GRIP1: variants seen among roughly 807,000 people sequenced by gnomAD.
GRIP1 encodes glutamate receptor interacting protein 1, also known as glutamate receptor-interacting protein 1.
In GRIP1, 45 loss-of-function variants were observed where a neutral mutation model predicts 129.9. That is an observed-to-expected ratio of 0.35 (90% CI 0.27 to 0.44). GRIP1 has a LOEUF of 0.44. Among genes scored for constraint, GRIP1 ranks in the 20% least tolerant of loss-of-function variants. The pLI is 1.00. For missense variants in GRIP1, 1,196 were observed against 1,396.8 expected, an observed-to-expected ratio of 0.86 and a Z score of 2.29; for synonymous variants, 530 against 520.8, an observed-to-expected ratio of 1.02 and a Z score of -0.24.
At chr12:66,632,530 C>A (rs1159331762) in intron 1 of GRIP1, among the ~76,000 whole-genome samples, 1 of 152,128 alleles carries the variant, frequency 6.6e-6, no homozygotes, top group Non-Finnish European at 1.5e-5. Context: ...AGGAAGGTTT[C>A]TTCCCTTTTT....
chr12:66,520,563 A>C (rs1399480544), intron 5 of GRIP1, among the ~76,000 whole-genome samples: 1 of 152,198 alleles, frequency 6.6e-6, no homozygotes, highest in Non-Finnish European at 1.5e-5. Flanking sequence ...TCAATCATTC[A>C]CTTATTAAGT....
chr12:66,730,701 C>CAAAAAAAAAA (rs3051132), intron 1 of GRIP1, among the ~76,000 whole-genome samples: 7 of 71,180 alleles, frequency 9.8e-5, no homozygotes, highest in African/African-American at 1.8e-4. Flanking sequence ...GGGTCATCTA[C>CAAAAAAAAAA]AAAAAAAAAA....
At chr12:66,579,015 G>C (rs1336153335) in intron 2 of GRIP1, among the ~76,000 whole-genome samples, 2 of 152,176 alleles carry the variant, frequency 1.3e-5, no homozygotes, top group African/African-American at 4.8e-5. Context: ...CCCCCCAGTA[G>C]GGGCAGACTG....
intron 1 of GRIP1, among the ~76,000 whole-genome samples, chr12:66,669,850 G>C (rs1423094879): frequency 6.6e-6 from 1 of 152,186 alleles, no homozygotes; most frequent in Non-Finnish European, 1.5e-5. Context: ...CAAGAGCACA[G>C]AACATAAAAT....
intron 1 of GRIP1, among the ~76,000 whole-genome samples, chr12:66,970,376 C>T (rs1182848036): frequency 6.6e-6 from 1 of 152,162 alleles, no homozygotes; most frequent in African/African-American, 2.4e-5. Flanking sequence ...GCCATGTGCC[C>T]AGCCTCATCT....
At chr12:66,882,716 T>C (rs1566063747) in intron 1 of GRIP1, among the ~76,000 whole-genome samples, 1 of 152,236 alleles carries the variant, frequency 6.6e-6, no homozygotes, top group Non-Finnish European at 1.5e-5. Context: ...AGCATTAATA[T>C]TAATCACAAT....
rs370178682 is a variant in GRIP1, at chr12:66,875,865, C to T, written c.58+193185G>A. Among the ~76,000 whole-genome samples the T allele has an allele frequency of 2.5e-4, 38 of 152,106 alleles. No homozygotes were observed. In the East Asian group the frequency reaches 6.8e-3, roughly 27 times the overall value. On this transcript the variant is annotated intron_variant, in intron 1 of 1. Transcript: ENST00000643019. ...AGATTAATATAGAATTTGTGTGCTA[C>T]TAAAGAAATCATTAAAGCAGCTAAA...
At chr12:66,622,199 TTAATTTC>T (rs1172842223) in intron 1 of GRIP1, among the ~76,000 whole-genome samples, 6 of 152,240 alleles carry the variant, frequency 3.9e-5, no homozygotes, top group African/African-American at 1.4e-4. Context: ...TATAATACAA[TTAATTTC>T]TAAGCAGAAC....
chr12:66,943,323 G>A (rs755870824), intron 1 of GRIP1, among the ~76,000 whole-genome samples: 8 of 152,144 alleles, frequency 5.3e-5, no homozygotes, highest in Non-Finnish European at 8.8e-5. Flanking sequence ...GAAATTCCAG[G>A]AACAAATGCC....
At chr12:66,665,528 ATC>A (rs2033748573) in intron 1 of GRIP1, among the ~76,000 whole-genome samples, 1 of 152,170 alleles carries the variant, frequency 6.6e-6, no homozygotes, top group African/African-American at 2.4e-5. Flanking sequence ...TGGTTTTGAG[ATC>A]TGTCATAAAT....
chr12:66,631,641 A>G (rs1425317008), intron 1 of GRIP1, among the ~76,000 whole-genome samples: 9 of 152,186 alleles, frequency 5.9e-5, no homozygotes, highest in Non-Finnish European at 8.8e-5. Flanking sequence ...TACGATGCCC[A>G]TCTACTGTCA....
chr12:66,425,089 C>A (rs1198657484), intron 14 of GRIP1, among the ~76,000 whole-genome samples: 1 of 152,142 alleles, frequency 6.6e-6, no homozygotes, highest in Non-Finnish European at 1.5e-5. Context: ...TTTATTGAGA[C>A]CTTGTAGAGC....
chr12:66,849,401 T>C (rs900382245), intron 1 of GRIP1, among the ~76,000 whole-genome samples: 3 of 152,176 alleles, frequency 2.0e-5, no homozygotes, highest in African/African-American at 7.2e-5. Context: ...TATCTAACAC[T>C]GCAATCCATG....
At chr12:66,455,612 G>A (rs779046115) in intron 10 of GRIP1, 48 bp from the exon 11 acceptor site, 7 of 1,567,880 alleles carry the variant, frequency 4.5e-6, no homozygotes, top group Non-Finnish European at 6.1e-6. Flanking sequence ...GGTGAGGTGT[G>A]AGCCCGCCAC....
chr12:66,524,391 A>T (rs2061145929), intron 5 of GRIP1, among the ~76,000 whole-genome samples: 1 of 152,194 alleles, frequency 6.6e-6, no homozygotes, highest in Non-Finnish European at 1.5e-5. Flanking sequence ...AAACCACTCA[A>T]CTACATGGAA....
In GRIP1 at chr12:66,394,301, T is replaced by C. The variant is rs1425060749; in HGVS notation, c.2036A>G (p.Tyr679Cys). 1 of 1,613,860 alleles carries C rather than the reference T, an allele frequency of 6.2e-7. No homozygotes were observed. Among genetic ancestry groups the C allele is most frequent in the Non-Finnish European group, 8.5e-7 (1 of 1,179,800 alleles). The change falls in exon 17 of 25, where the codon TAC becomes TGC. Residue 679 changes from tyrosine (Y) to cysteine (C), a missense_variant. Tyr to Cys is a radical substitution (Grantham distance 194, BLOSUM62 -2). Around this residue, in one of 5 missense-constraint regions of GRIP1, gnomAD observed 508 missense variants for 587.0 expected, o/e 0.87. Coordinates refer to ENST00000359742, the MANE Select transcript of GRIP1 (RefSeq NM_001366722.1). Reference sequence around the variant, plus strand: ...AATTGTGATGCCAAGGGGCCCCCCGTAGCGTTTAAGCTCCACGGTGTAAAT... The same window carrying C: ...AATTGTGATGCCAAGGGGCCCCCCGCAGCGTTTAAGCTCCACGGTGTAAAT... ...AIIYTVELKR[Y>C]GGPLGITISG...
intron 5 of GRIP1, among the ~76,000 whole-genome samples, chr12:66,518,686 G>A (rs928431325): frequency 2.6e-5 from 4 of 152,016 alleles, no homozygotes; most frequent in East Asian, 1.9e-4. Context: ...TGAAATGCAC[G>A]CGTGCTGGCC....
chr12:66,359,285 T>C (rs1218674818), intron 23 of GRIP1, among the ~76,000 whole-genome samples: 2 of 152,202 alleles, frequency 1.3e-5, no homozygotes, highest in Non-Finnish European at 2.9e-5. Context: ...AGGCATGTTT[T>C]CCAACATAGT....
At chr12:66,536,409 C>T (rs1438175492) in intron 4 of GRIP1, among the ~76,000 whole-genome samples, 2 of 152,186 alleles carry the variant, frequency 1.3e-5, no homozygotes, top group Admixed American at 6.5e-5. Flanking sequence ...GACCCCATTT[C>T]CTAATTCTCT....
Sources: allele counts gnomAD v4.1 joint callset (sites outside exome capture counted in the v4.1 genomes callset), GRCh38; gene constraint gnomAD v4.1.1; regional missense constraint gnomAD v4.1.1; transcripts MANE v1.5; gene names NCBI Gene and HGNC (gene_info 2026-07-23, HGNC 2026-07-21).